The following GAL3ST2 variants were observed in gnomAD, a reference collection of about 807,000 sequenced individuals.
GAL3ST2 encodes galactose-3-O-sulfotransferase 2.
In GAL3ST2, 16 loss-of-function variants were observed where a neutral mutation model predicts 12.9. That is an observed-to-expected ratio of 1.24 (90% CI 0.84 to 1.88). The LOEUF is 1.88. GAL3ST2 is among the 40% of genes most tolerant of loss of function. The pLI, the probability that GAL3ST2 is intolerant of heterozygous loss-of-function variation, is 0.00. For synonymous variants in GAL3ST2, 302 were observed against 273.9 expected (o/e 1.10, Z -1.01); for missense variants, 639 against 571.8 (o/e 1.12, Z -1.20).
In GAL3ST2 at chr2:241,801,976, C is replaced by T. The variant is rs754440581; in HGVS notation, c.315C>T (p.Gly105=). ...TCTTCCTGGCGCGCTACGTGGAAGG[C>T]GTGGGGTCGCAGCAGCGCTTCAACA... ...PWLFLARYVE[G]VGSQQRFNIM... is the part of the protein sequence containing the mutation. Residue 105 remains glycine (G), a synonymous_variant, in exon 3 of 4, where the codon GGC becomes GGT. Transcript: ENST00000192314. The surrounding 1 kb of genome is among the most constrained non-coding windows in gnomAD (Gnocchi z 4.4). The T allele has an allele frequency of 3.7e-6, 6 of 1,612,950 alleles. No homozygotes were observed. The highest frequency in any genetic ancestry group is 4.5e-5 in the East Asian group (2 of 44,870).
chr2:241,800,351 C>CACA lies in GAL3ST2; in HGVS notation c.119+1197_119+1198insACA, dbSNP rs1699826767. 7.7e-6 allele frequency among the ~76,000 whole-genome samples: 1 copy of CACA among 130,038 alleles called. No homozygotes were observed. Among genetic ancestry groups the CACA allele is most frequent in the African/African-American group, 2.8e-5 (1 of 35,776 alleles). 85.3% of individuals were successfully genotyped at this position (130,038 alleles called of 152,430 possible). The stretch of plus-strand genomic sequence containing the variant: ...CACAGCCGCCGACCCAGGCTGGGAG[C>CACA]GGGCACTTCGAGGGAGGGGGTGGGA... On this transcript the variant is annotated intron_variant, in intron 2 of 3. Transcript: ENST00000192314. The surrounding 1 kb of genome is among the most constrained non-coding windows in gnomAD (Gnocchi z 5.2).
At position 241,793,510 on chromosome 2, in the gene GAL3ST2, ATATG is replaced by A. The variant is rs200589060; in HGVS notation, c.30-5549_30-5546del. Among the ~76,000 whole-genome samples the A allele has an allele frequency of 2.8e-4, 42 of 150,550 alleles. No individual in the cohort carries two copies. Among genetic ancestry groups the A allele is most frequent in the South Asian group, 8.4e-4 (4 of 4,790 alleles). ...ATGTACATATTGTGTATGTGTGTGT[ATATG>A]TATGTGTGTATTGTGTTTATATGTA... On this transcript the variant is annotated intron_variant, in intron 1 of 3. Transcript: ENST00000192314. This position sits in a 1 kb window ranked among gnomAD's most constrained non-coding sequence, Gnocchi z 4.7.
rs544439874 is a variant in GAL3ST2, at chr2:241,796,941, G to A, written c.30-2124G>A. 2.7e-3 allele frequency among the ~76,000 whole-genome samples: 412 copies of A among 152,326 alleles called. 1 individual carries two copies. Among genetic ancestry groups the A allele is most frequent in the Admixed American group, 5.5e-3 (84 of 15,306 alleles). On this transcript the variant is annotated intron_variant, in intron 1 of 3. Transcript: ENST00000192314. ...ATGCAGGGTGAGGGGACTGCGGGGG[G>A]CTTGAGGCCCTGAGGGCTGCCCCGT...
chr2:241,794,907 A>G (rs1430764479), intron 1 of GAL3ST2, among the ~76,000 whole-genome samples: 1 of 152,188 alleles, frequency 6.6e-6, no homozygotes, highest in Non-Finnish European at 1.5e-5. Context: ...ACTCTTGAAC[A>G]TTTTTAATTG....
At chr2:241,798,997 C>G in intron 1 of GAL3ST2, 68 bp from the exon 2 acceptor site, 1 of 1,275,774 alleles carries the variant, frequency 7.8e-7, no homozygotes, top group Non-Finnish European at 1.1e-6. Context: ...GACTTGGCTG[C>G]AGGATGGGAG....
rs909053112 is a variant in GAL3ST2 at position 241,804,282 on chromosome 2, G to A, written c.*116G>A. 1 of 895,070 alleles carries A rather than the reference G, an allele frequency of 1.1e-6. No individual in the cohort carries two copies. The allele number at this position is 895,070 out of a possible 1,614,324, so 55.4% of individuals were successfully genotyped here. ...GGGCGTTGGGAAACCCAGGCCCGCC[G>A]GCCACGGCTCTAAAATGAAGAGGGC... is the stretch of plus-strand genomic sequence containing the variant. On this transcript the variant is annotated 3_prime_UTR_variant, in exon 4 of 4. Coordinates refer to ENST00000192314, the MANE Select transcript of GAL3ST2 (RefSeq NM_022134.3).
intron 1 of GAL3ST2, among the ~76,000 whole-genome samples, chr2:241,781,629 T>C (rs1699567915): frequency 1.3e-5 from 2 of 152,116 alleles, no homozygotes; most frequent in Non-Finnish European, 2.9e-5. Context: ...ATCAGAATTA[T>C]AGGAGTTTCC....
intron 1 of GAL3ST2, among the ~76,000 whole-genome samples, chr2:241,797,781 C>A (rs548555720): frequency 1.3e-5 from 2 of 152,346 alleles, no homozygotes; most frequent in East Asian, 3.9e-4. Context: ...TCTAGCACCC[C>A]CAGCCCCCTG....
Position 241,803,499 on chromosome 2 carries a change from T to C in GAL3ST2, c.530T>C (p.Phe177Ser). 6.2e-7 allele frequency: 1 copy of C among 1,611,624 alleles called. No homozygotes were observed. The highest frequency in any genetic ancestry group is 8.5e-7 in the Non-Finnish European group (1 of 1,179,324). ...LDAFLASPRT[F>S]YNDSRHLRNV... Reference sequence around the variant, plus strand: ...GCGTTCCTGGCCTCGCCGCGGACGTTCTACAACGACAGCCGCCACCTCAGG... The same window carrying C: ...GCGTTCCTGGCCTCGCCGCGGACGTCCTACAACGACAGCCGCCACCTCAGG... Residue 177 changes from phenylalanine (F) to serine (S), a missense_variant, in exon 4 of 4, where the codon TTC (phenylalanine) becomes TCC (serine). Transcript: ENST00000192314.
intron 1 of GAL3ST2, among the ~76,000 whole-genome samples, chr2:241,787,167 T>C (rs1402287906): frequency 1.3e-5 from 2 of 152,330 alleles, no homozygotes; most frequent in East Asian, 3.9e-4. Context: ...TCATCTTGCA[T>C]ATGTTGATTG....
rs1012226158 is a variant in GAL3ST2 at position 241,802,075 on chromosome 2, C to A, written c.375+39C>A. ...GCTGGGGAGGAGGGCGGGCTGCAGCCGTGCCTGTGGCTGTGGGTCTGGGTG... is the reference window on the plus strand; with the variant it reads ...GCTGGGGAGGAGGGCGGGCTGCAGCAGTGCCTGTGGCTGTGGGTCTGGGTG... On this transcript the variant is annotated intron_variant, in intron 3 of 3. Coordinates refer to ENST00000192314, the MANE Select transcript of GAL3ST2 (RefSeq NM_022134.3). This position sits in a 1 kb window ranked among gnomAD's most constrained non-coding sequence, Gnocchi z 4.8. The A allele has an allele frequency of 2.6e-6, 4 of 1,562,802 alleles. No individual in the cohort carries two copies. Among genetic ancestry groups the A allele is most frequent in the East Asian group, 2.3e-5 (1 of 42,558 alleles).
chr2:241,801,852 G>A lies in GAL3ST2; in HGVS notation c.191G>A (p.Ser64Asn). Residue 64 changes from serine (S) to asparagine (N), a missense_variant, in exon 3 of 4, where the codon AGC (serine) becomes AAC (asparagine). By Grantham distance (46) the Ser-to-Asn change is conservative. Coordinates refer to ENST00000192314, the MANE Select transcript of GAL3ST2 (RefSeq NM_022134.3). The surrounding 1 kb of genome is among the most constrained non-coding windows in gnomAD (Gnocchi z 4.4). ...IMFLKTHKTA[S>N]STVLNILYRF... ...TTCCTGAAGACGCACAAGACGGCCA[G>A]CAGCACGGTGCTCAACATCCTCTAC... 6.2e-7 allele frequency: 1 copy of A among 1,613,000 alleles called. No homozygotes were observed. Among genetic ancestry groups the A allele is most frequent in the Non-Finnish European group, 8.5e-7 (1 of 1,179,952 alleles).
chr2:241,782,985 A>G (rs1699583931), intron 1 of GAL3ST2, among the ~76,000 whole-genome samples: 1 of 152,086 alleles, frequency 6.6e-6, no homozygotes, highest in Admixed American at 6.5e-5. Flanking sequence ...TAAAAATGTA[A>G]CAAATTAGCT....
At position 241,793,530 on chromosome 2, in the gene GAL3ST2, TTTATATG is replaced by T. The variant is rs558838315; in HGVS notation, c.30-5533_30-5527del. On this transcript the variant is annotated intron_variant, in intron 1 of 3. Transcript: ENST00000192314. The surrounding 1 kb of genome is among the most constrained non-coding windows in gnomAD (Gnocchi z 4.7). The stretch of plus-strand genomic sequence containing the variant: ...TGTGTATATGTATGTGTGTATTGTG[TTTATATG>T]TATGTGTGTATATGTATGTATGTGT... 5.0e-3 allele frequency among the ~76,000 whole-genome samples: 698 copies of T among 138,816 alleles called. 8 individuals are homozygous for T. The highest frequency in any genetic ancestry group is 0.02 in the African/African-American group (637 of 32,266). The allele number at this position is 138,816 out of a possible 152,430, so 91.1% of individuals were successfully genotyped here. A position where few individuals can be genotyped will look rare whatever the true frequency, so the allele number is the denominator to read the frequency against.
intron 1 of GAL3ST2, among the ~76,000 whole-genome samples, chr2:241,785,600 T>C (rs1458335907): frequency 6.6e-6 from 1 of 151,704 alleles, no homozygotes; most frequent in Non-Finnish European, 1.5e-5. Context: ...GTTTACACAT[T>C]TGGGGTTCCA....
chr2:241,785,658 C>G (rs896981957), intron 1 of GAL3ST2, among the ~76,000 whole-genome samples: 1 of 151,440 alleles, frequency 6.6e-6, no homozygotes, highest in Admixed American at 6.6e-5. Flanking sequence ...CTTTAAGGAA[C>G]CCCAGTCTCT....
intron 1 of GAL3ST2, among the ~76,000 whole-genome samples, chr2:241,796,408 C>T (rs564849381): frequency 3.3e-4 from 51 of 152,240 alleles, no homozygotes; most frequent in African/African-American, 1.2e-3. Flanking sequence ...TCGGAGCACC[C>T]TGGTCAGCAG....
intron 2 of GAL3ST2, among the ~76,000 whole-genome samples, chr2:241,799,837 C>G (rs1160089814): frequency 6.6e-6 from 1 of 152,196 alleles, no homozygotes; most frequent in Non-Finnish European, 1.5e-5. Flanking sequence ...CCCCACCATC[C>G]TGGTCACTTC....
chr2:241,799,234 A>G, intron 2 of GAL3ST2, 80 bp downstream of exon 2: 1 of 1,240,214 alleles, frequency 8.1e-7, no homozygotes, highest in East Asian at 2.3e-5. Context: ...CCCCAGCATG[A>G]TCACGCCCCC....
Sources: gnomAD v4.1 joint callset for allele counts (sites outside exome capture counted in the v4.1 genomes callset) on GRCh38, gnomAD v4.1.1 for gene constraint, Gnocchi (gnomAD v3.1) non-coding constraint, MANE v1.5 for transcripts, NCBI Gene and HGNC (gene_info 2026-07-23, HGNC 2026-07-21) for gene names.